The following SORCS1 variants were observed in gnomAD, a reference collection of about 807,000 sequenced individuals.
SORCS1 encodes the protein sortilin related VPS10 domain containing receptor 1, also known as VPS10 domain-containing receptor SorCS1.
SORCS1 carries 60 observed loss-of-function variants against 146.1 expected under a neutral mutation model. That is an observed-to-expected ratio of 0.41 (90% CI 0.33 to 0.51). SORCS1 has a LOEUF of 0.51. SORCS1 is among the 20% of genes least tolerant of loss of function. The pLI, the probability that SORCS1 is intolerant of heterozygous loss-of-function variation, is 0.21. For missense variants in SORCS1, 1,352 were observed against 1,487.6 expected, an observed-to-expected ratio of 0.91 and a Z score of 1.50; for synonymous variants, 637 against 584.0, an observed-to-expected ratio of 1.09 and a Z score of -1.31.
At chr10:106,647,469 ACT>A (rs1849536128) in intron 18 of SORCS1, among the ~76,000 whole-genome samples, 1 of 151,842 alleles carries the variant, frequency 6.6e-6, no homozygotes, top group Admixed American at 6.6e-5. Flanking sequence ...ACTCACCCTA[ACT>A]CTAGTGAAAA....
At chr10:106,731,605 C>T (rs887408502) in intron 5 of SORCS1, among the ~76,000 whole-genome samples, 6 of 152,050 alleles carry the variant, frequency 3.9e-5, no homozygotes, top group South Asian at 2.1e-4. Context: ...GCTTTTCCTC[C>T]GATCAGCAAG....
At position 106,829,528 on chromosome 10, in the gene SORCS1, G is replaced by A. The variant is rs771054335; in HGVS notation, c.726+46C>T. On this transcript the variant is annotated intron_variant, in intron 3 of 25. Coordinates refer to ENST00000263054, the MANE Select transcript of SORCS1 (RefSeq NM_052918.5). Reference sequence around the variant, plus strand: ...CTAGAGTGGTTAGCCAACCAAGACAGAAGTCACATCATGAATGAGTAGCAT... The same window carrying A: ...CTAGAGTGGTTAGCCAACCAAGACAAAAGTCACATCATGAATGAGTAGCAT... 8 of 1,429,876 alleles carry A rather than the reference G, an allele frequency of 5.6e-6. No individual in the cohort carries two copies. In the Admixed American group the frequency reaches 6.8e-5, roughly 12 times the overall value. The allele number at this position is 1,429,876 out of a possible 1,614,324, so 88.6% of individuals were successfully genotyped here. A position where few individuals can be genotyped will look rare whatever the true frequency, so the allele number is the denominator to read the frequency against.
intron 3 of SORCS1, among the ~76,000 whole-genome samples, chr10:106,799,334 T>A (rs964751739): frequency 2.0e-5 from 3 of 152,134 alleles, no homozygotes; most frequent in African/African-American, 7.2e-5. Context: ...GCACTTCATG[T>A]CTAAAACACC....
At chr10:106,598,236 A>ATATTATTATTATTATTATTAT (rs10579142) in intron 23 of SORCS1, among the ~76,000 whole-genome samples, 3 of 140,480 alleles carry the variant, frequency 2.1e-5, no homozygotes, top group East Asian at 2.1e-4. Context: ...CACTCCTATT[A>ATATTATTATTATTATTATTAT]TATTATTATT....
At chr10:107,108,800 G>A (rs950875974) in intron 1 of SORCS1, among the ~76,000 whole-genome samples, 2 of 152,070 alleles carry the variant, frequency 1.3e-5, no homozygotes, top group African/African-American at 2.4e-5. Context: ...CTACTTATGA[G>A]CCTGTAACAT....
chr10:106,597,219 T>A, intron 24 of SORCS1, 132 bp downstream of exon 24: 1 of 712,638 alleles, frequency 1.4e-6, no homozygotes, highest in Non-Finnish European at 2.4e-6. Context: ...CAAGGGAACC[T>A]CCAAGATCCG....
chr10:107,090,919 T>TAC (rs10569833), intron 1 of SORCS1, among the ~76,000 whole-genome samples: 33,160 of 149,454 alleles, frequency 0.22, 3,936 homozygotes, highest in African/African-American at 0.31. Flanking sequence ...TATTCTAAAG[T>TAC]ACACACACAC....
intron 5 of SORCS1, among the ~76,000 whole-genome samples, chr10:106,738,557 G>A (rs1857130454): frequency 6.6e-6 from 1 of 152,210 alleles, no homozygotes; most frequent in South Asian, 2.1e-4. Context: ...GTGAGAGGAA[G>A]GAGGCTGGAG....
At chr10:106,744,504 TATAAG>T (rs1373852149) in intron 5 of SORCS1, among the ~76,000 whole-genome samples, 3 of 152,222 alleles carry the variant, frequency 2.0e-5, no homozygotes, top group African/African-American at 7.2e-5. Flanking sequence ...GAACAACTGT[TATAAG>T]AGGAGATATT....
At chr10:106,927,310 C>T (rs959526735) in intron 2 of SORCS1, among the ~76,000 whole-genome samples, 7 of 151,950 alleles carry the variant, frequency 4.6e-5, no homozygotes, top group East Asian at 1.9e-4. Context: ...AGTGAAGCTG[C>T]GGACCTTCAC....
chr10:106,945,924 A>G (rs1373872127), intron 2 of SORCS1, among the ~76,000 whole-genome samples: 1 of 152,200 alleles, frequency 6.6e-6, no homozygotes, highest in Non-Finnish European at 1.5e-5. Context: ...GAGCTTTCAC[A>G]TGGTGAGTTC....
intron 2 of SORCS1, among the ~76,000 whole-genome samples, chr10:106,883,011 G>A (rs546289369): frequency 5.8e-4 from 88 of 152,292 alleles, no homozygotes; most frequent in Middle Eastern, 3.4e-3. Flanking sequence ...TACAAAAGCC[G>A]TATGATTGCA....
At chr10:107,100,252 G>T (rs947347602) in intron 1 of SORCS1, among the ~76,000 whole-genome samples, 1 of 152,172 alleles carries the variant, frequency 6.6e-6, no homozygotes, top group African/African-American at 2.4e-5. Context: ...GGTGGCTCAC[G>T]CCTGTAATCC....
chr10:106,981,133 T>C (rs748175932), intron 1 of SORCS1, among the ~76,000 whole-genome samples: 4 of 152,162 alleles, frequency 2.6e-5, no homozygotes, highest in Non-Finnish European at 5.9e-5. Context: ...AAAATGTGTT[T>C]AGGTTGTCAG....
At chr10:106,926,408 C>T (rs1225369394) in intron 2 of SORCS1, among the ~76,000 whole-genome samples, 1 of 152,128 alleles carries the variant, frequency 6.6e-6, no homozygotes, top group African/African-American at 2.4e-5. Flanking sequence ...TCCTTATCTT[C>T]CTGAGCCTCA....
intron 5 of SORCS1, among the ~76,000 whole-genome samples, chr10:106,758,253 G>A (rs961717282): frequency 6.6e-6 from 1 of 152,184 alleles, no homozygotes; most frequent in Admixed American, 6.5e-5. Context: ...GGTCTGTTCA[G>A]GTTATAATAA....
intron 2 of SORCS1, among the ~76,000 whole-genome samples, chr10:106,875,111 C>T (rs1016557861): frequency 1.3e-5 from 2 of 152,164 alleles, no homozygotes; most frequent in Non-Finnish European, 2.9e-5. Flanking sequence ...CCACATCCCC[C>T]TTCCACTCTC....
intron 23 of SORCS1, among the ~76,000 whole-genome samples, chr10:106,599,367 CAA>C (rs531734833): frequency 1.7e-5 from 2 of 116,540 alleles, no homozygotes; most frequent in Non-Finnish European, 1.8e-5. Context: ...AACTCTAATT[CAA>C]AAAAAAAAAG....
chr10:106,580,042 T>C (rs979875084), intron 24 of SORCS1, among the ~76,000 whole-genome samples: 24 of 152,020 alleles, frequency 1.6e-4, no homozygotes, highest in African/African-American at 5.3e-4. Flanking sequence ...AGGAATACAT[T>C]TGTGAATTCA....
Sources: gnomAD v4.1 joint callset for allele counts (sites outside exome capture counted in the v4.1 genomes callset) on GRCh38, gnomAD v4.1.1 for gene constraint, MANE v1.5 for transcripts, NCBI Gene and HGNC (gene_info 2026-07-23, HGNC 2026-07-21) for gene names.